ZNF423: variants seen among roughly 807,000 people sequenced by gnomAD.
The protein encoded by ZNF423 is Ebf-associated zinc finger protein.
ZNF423 carries 12 observed loss-of-function variants against 95.8 expected under a neutral mutation model. The observed-to-expected ratio is 0.13, with a 90% CI of 0.08 to 0.20. The LOEUF (loss-of-function observed/expected upper bound fraction) is 0.20. Ranked by LOEUF, ZNF423 falls within the 10% of genes least tolerant of loss-of-function variation. ZNF423 has a pLI of 1.00. For synonymous variants in ZNF423, 749 were observed against 711.9 expected, an observed-to-expected ratio of 1.05 and a Z score of -0.83; for missense variants, 1,316 against 1,737.1, an observed-to-expected ratio of 0.76 and a Z score of 4.31.
intron 5 of ZNF423, among the ~76,000 whole-genome samples, chr16:49,551,081 G>T (rs1369966318): frequency 6.6e-6 from 1 of 152,234 alleles, no homozygotes; most frequent in East Asian, 1.9e-4. Context: ...AAACAGAAGA[G>T]CTATCTCTAT....
intron 2 of ZNF423, among the ~76,000 whole-genome samples, chr16:49,756,907 T>G (rs145737742): frequency 6.6e-6 from 1 of 152,230 alleles, no homozygotes; most frequent in Non-Finnish European, 1.5e-5. Flanking sequence ...TCCACATGGC[T>G]GCATAATTCC....
At chr16:49,829,221 G>A (rs1423559359) in intron 1 of ZNF423, among the ~76,000 whole-genome samples, 1 of 152,154 alleles carries the variant, frequency 6.6e-6, no homozygotes, top group African/African-American at 2.4e-5. Flanking sequence ...ATGACCAACT[G>A]GCTCCCAGAT....
chr16:49,496,147 G>A (rs1467363922), intron 7 of ZNF423, among the ~76,000 whole-genome samples: 2 of 152,234 alleles, frequency 1.3e-5, no homozygotes, highest in African/African-American at 2.4e-5. Context: ...TTCGTGGGCC[G>A]AGATGGGCTA....
At chr16:49,679,457 C>G (rs372930937) in intron 3 of ZNF423, among the ~76,000 whole-genome samples, 1 of 152,256 alleles carries the variant, frequency 6.6e-6, no homozygotes, top group East Asian at 1.9e-4. Context: ...CTCCCTGCTC[C>G]CAGCACCCTC....
At chr16:49,688,032 G>A (rs994149714) in intron 3 of ZNF423, among the ~76,000 whole-genome samples, 9 of 150,336 alleles carry the variant, frequency 6.0e-5, no homozygotes, top group African/African-American at 2.0e-4. Context: ...CAGTGGGAGC[G>A]GGTGCTGCAG....
Position 49,796,392 on chromosome 16 carries a change from C to T in ZNF423, c.41-6846G>A, listed in dbSNP as rs1329232411. 2.6e-5 allele frequency among the ~76,000 whole-genome samples: 4 copies of T among 152,220 alleles called. No homozygotes were observed. In the South Asian group the frequency reaches 6.2e-4, roughly 24 times the overall value. On this transcript the variant is annotated intron_variant, in intron 1 of 7. Coordinates refer to ENST00000563137, the MANE Select transcript of ZNF423 (RefSeq NM_001379286.1). ...CTGGCCTGGAGAGTAATGCCCTCCA[C>T]CCAGAGGGCTCCCCAACACCTCACA...
chr16:49,548,952 C>A (rs1304663060), intron 5 of ZNF423, among the ~76,000 whole-genome samples: 2 of 152,230 alleles, frequency 1.3e-5, no homozygotes, highest in Middle Eastern at 3.2e-3. Context: ...GCTTCCTCTA[C>A]AACTTCATTT....
intron 3 of ZNF423, among the ~76,000 whole-genome samples, chr16:49,705,771 C>G (rs1311291129): frequency 1.3e-5 from 2 of 152,136 alleles, no homozygotes; most frequent in African/African-American, 4.8e-5. Flanking sequence ...TGGTCTTGAA[C>G]TCCTGACCTC....
At chr16:49,771,661 G>T (rs1272739524) in intron 2 of ZNF423, among the ~76,000 whole-genome samples, 1 of 152,174 alleles carries the variant, frequency 6.6e-6, no homozygotes, top group East Asian at 1.9e-4. Flanking sequence ...GTCCCCCTTT[G>T]CTTGGCTCTC....
At chr16:49,776,911 C>T (rs2034130982) in intron 2 of ZNF423, among the ~76,000 whole-genome samples, 1 of 152,226 alleles carries the variant, frequency 6.6e-6, no homozygotes, top group Non-Finnish European at 1.5e-5. Flanking sequence ...AGGGAGACAG[C>T]CCAGAAACAG....
rs1480673019 is a variant in ZNF423, at chr16:49,545,635, T to C, written c.3602-20141A>G. On this transcript the variant is annotated intron_variant, in intron 5 of 7. Coordinates refer to ENST00000563137, the MANE Select transcript of ZNF423 (RefSeq NM_001379286.1). ...TCCCAAGCTGCTTTAAATGGAGATT[T>C]TGCAGTTTGGGGTACAAAATTATTG... Among the ~76,000 whole-genome samples, 4 of 152,308 alleles carry C rather than the reference T, an allele frequency of 2.6e-5. No homozygotes were observed. In the East Asian group the frequency reaches 5.8e-4, roughly 22 times the overall value.
chr16:49,546,556 A>G (rs1461974184), intron 5 of ZNF423, among the ~76,000 whole-genome samples: 1 of 152,204 alleles, frequency 6.6e-6, no homozygotes, highest in East Asian at 1.9e-4. Flanking sequence ...TAAAGGGATG[A>G]GCATGTGAGA....
chr16:49,670,218 C>T (rs910271941), intron 3 of ZNF423, among the ~76,000 whole-genome samples: 4 of 152,190 alleles, frequency 2.6e-5, no homozygotes, highest in African/African-American at 4.8e-5. Context: ...CTCTGGGATG[C>T]GGCCACCTGG....
intron 5 of ZNF423, among the ~76,000 whole-genome samples, chr16:49,577,920 A>C (rs183960936): frequency 2.0e-5 from 3 of 152,152 alleles, no homozygotes; most frequent in Admixed American, 6.5e-5. Context: ...CTCTGCACTC[A>C]CATTGCAGTA....
At chr16:49,812,291 C>T (rs2143966139) in intron 1 of ZNF423, among the ~76,000 whole-genome samples, 2 of 152,360 alleles carry the variant, frequency 1.3e-5, no homozygotes, top group African/African-American at 4.8e-5. Flanking sequence ...CTGGCTCTCC[C>T]ACATCCACAT....
chr16:49,544,885 G>A (rs1969387842), intron 5 of ZNF423, among the ~76,000 whole-genome samples: 1 of 152,242 alleles, frequency 6.6e-6, no homozygotes, highest in Admixed American at 6.5e-5. Flanking sequence ...TGCAGCATTG[G>A]GTGCTGGTGA....
chr16:49,816,065 C>T (rs1199009395), intron 1 of ZNF423, among the ~76,000 whole-genome samples: 2 of 150,942 alleles, frequency 1.3e-5, no homozygotes, highest in African/African-American at 2.4e-5. Context: ...ATTACAAGCG[C>T]CCGCCACTAC....
At chr16:49,703,858 C>T (rs1254318118) in intron 3 of ZNF423, among the ~76,000 whole-genome samples, 1 of 152,214 alleles carries the variant, frequency 6.6e-6, no homozygotes, top group Non-Finnish European at 1.5e-5. Context: ...GGGTTCAATG[C>T]ATCACCAGCT....
chr16:49,820,201 C>T (rs2034920683), intron 1 of ZNF423, among the ~76,000 whole-genome samples: 1 of 152,088 alleles, frequency 6.6e-6, no homozygotes, highest in Non-Finnish European at 1.5e-5. Context: ...GCAGAGACTC[C>T]CAGTGGCCTA....
Sources: allele counts gnomAD v4.1 joint callset (sites outside exome capture counted in the v4.1 genomes callset), GRCh38; gene constraint gnomAD v4.1.1; transcripts MANE v1.5; gene names NCBI Gene and HGNC (gene_info 2026-07-23, HGNC 2026-07-21).